The following ARHGEF3 variants were observed in gnomAD, a reference collection of about 807,000 sequenced individuals.
ARHGEF3 encodes 59.8 kDA protein.
In ARHGEF3, 28 loss-of-function variants were observed where a neutral mutation model predicts 63.2. The ratio of observed to expected loss-of-function variants is 0.44; its 90% CI spans 0.33 to 0.61. The LOEUF is 0.61. ARHGEF3 is among the 20% of genes least tolerant of loss of function. ARHGEF3 has a pLI of 0.03. For missense variants in ARHGEF3, 533 were observed against 659.3 expected, an observed-to-expected ratio of 0.81 and a Z score of 2.10; for synonymous variants, 266 against 254.2, an observed-to-expected ratio of 1.05 and a Z score of -0.44.
intron 4 of ARHGEF3, among the ~76,000 whole-genome samples, chr3:56,856,665 TC>T (rs2039893315): frequency 6.7e-6 from 1 of 150,196 alleles, no homozygotes; most frequent in African/African-American, 2.5e-5. Flanking sequence ...TTTAGAATTT[TC>T]CTAAAGTGAG....
chr3:56,839,209 C>T (rs2039228011), intron 4 of ARHGEF3, among the ~76,000 whole-genome samples: 1 of 151,962 alleles, frequency 6.6e-6, no homozygotes, highest in African/African-American at 2.4e-5. Flanking sequence ...TTTACATAAC[C>T]AGATACATTT....
In ARHGEF3 at chr3:56,967,274, AATATT is replaced by A. The variant is rs1267943250; in HGVS notation, c.63-8390_63-8386del. 6.3e-3 allele frequency among the ~76,000 whole-genome samples: 478 copies of A among 75,606 alleles called. 7 individuals carry two copies. Among genetic ancestry groups the A allele is most frequent in the African/African-American group, 0.016 (450 of 29,000 alleles). The allele number at this position is 75,606 out of a possible 152,430, so 49.6% of individuals were successfully genotyped here. ...TAGTATATACATACTTATATATAAT[AATATT>A]ATATTATATATTATACAAATTATAT... On this transcript the variant is annotated intron_variant, in intron 2 of 12. Coordinates refer to the ARHGEF3 transcript ENST00000338458.
intron 3 of ARHGEF3, among the ~76,000 whole-genome samples, chr3:56,889,992 G>T (rs1265543416): frequency 6.6e-6 from 1 of 151,662 alleles, no homozygotes; most frequent in African/African-American, 2.4e-5. Flanking sequence ...AACCCAGGAG[G>T]CAGAGGCTGC....
chr3:56,959,007 G>A (rs1428060310), intron 2 of ARHGEF3: 11 of 1,061,970 alleles, frequency 1.0e-5, no homozygotes, highest in Admixed American at 2.1e-5. Flanking sequence ...CCCAAACAAG[G>A]TGGATGGAGT....
intron 1 of ARHGEF3, among the ~76,000 whole-genome samples, chr3:57,067,324 G>A (rs1366206469): frequency 2.0e-5 from 3 of 151,616 alleles, no homozygotes; most frequent in East Asian, 2.0e-4. Context: ...GCGTGGTGGC[G>A]GGCGCCTGTA....
intron 2 of ARHGEF3, among the ~76,000 whole-genome samples, chr3:56,992,249 C>G (rs1161204158): frequency 1.3e-5 from 2 of 151,674 alleles, no homozygotes; most frequent in Admixed American, 6.6e-5. Flanking sequence ...TATATTTGTA[C>G]AAGAGTCAGA....
chr3:56,743,098 C>T (rs539223285), intron 7 of ARHGEF3, among the ~76,000 whole-genome samples: 10 of 152,294 alleles, frequency 6.6e-5, no homozygotes, highest in Non-Finnish European at 1.3e-4. Context: ...GGAGGCAACT[C>T]TATCGCACTC....
intron 7 of ARHGEF3, among the ~76,000 whole-genome samples, chr3:56,742,412 T>G (rs1458000035): frequency 6.6e-6 from 1 of 152,158 alleles, no homozygotes; most frequent in Non-Finnish European, 1.5e-5. Context: ...AGGCACTGCA[T>G]TAAAGGCAAG....
intron 2 of ARHGEF3, among the ~76,000 whole-genome samples, chr3:56,763,812 C>A (rs1245062068): frequency 6.6e-6 from 1 of 152,038 alleles, no homozygotes; most frequent in East Asian, 1.9e-4. Context: ...TGGCCTCAAG[C>A]AATCCTCTTG....
chr3:56,849,386 T>C (rs1009876139), intron 4 of ARHGEF3, among the ~76,000 whole-genome samples: 7 of 152,222 alleles, frequency 4.6e-5, no homozygotes, highest in African/African-American at 1.7e-4. Context: ...AGCTTAGTGA[T>C]AGTCTCTGGA....
At chr3:56,841,739 A>T (rs2039314566) in intron 4 of ARHGEF3, among the ~76,000 whole-genome samples, 2 of 152,116 alleles carry the variant, frequency 1.3e-5, no homozygotes, top group African/African-American at 4.8e-5. Context: ...TTCAGCCATC[A>T]GATTGATTTG....
chr3:56,897,443 T>C (rs956170128), intron 3 of ARHGEF3, among the ~76,000 whole-genome samples: 1 of 152,230 alleles, frequency 6.6e-6, no homozygotes, highest in African/African-American at 2.4e-5. Context: ...AGTTATGTTT[T>C]TGCTACGGGG....
intron 2 of ARHGEF3, among the ~76,000 whole-genome samples, chr3:56,983,981 G>A: frequency 7.1e-6 from 1 of 140,254 alleles, no homozygotes; most frequent in South Asian, 2.3e-4. Flanking sequence ...CTCAATAATT[G>A]ACCCTGCCAC....
intron 2 of ARHGEF3, among the ~76,000 whole-genome samples, chr3:56,965,034 C>T (rs1700432425): frequency 6.6e-6 from 1 of 152,146 alleles, no homozygotes; most frequent in African/African-American, 2.4e-5. Flanking sequence ...AGGAGGATCG[C>T]TTGAGGCCAG....
intron 2 of ARHGEF3, among the ~76,000 whole-genome samples, chr3:57,005,060 G>T (rs1283643928): frequency 6.6e-6 from 1 of 151,910 alleles, no homozygotes; most frequent in Non-Finnish European, 1.5e-5. Context: ...TGCTTTCTTA[G>T]AATCTGCAAG....
intron 2 of ARHGEF3, among the ~76,000 whole-genome samples, chr3:56,773,421 G>C (rs2107839126): frequency 6.6e-6 from 1 of 152,264 alleles, no homozygotes; most frequent in African/African-American, 2.4e-5. Flanking sequence ...GAGGCCCATA[G>C]ATATTTTAGG....
intron 4 of ARHGEF3, among the ~76,000 whole-genome samples, chr3:56,843,070 C>T (rs948049376): frequency 4.6e-5 from 7 of 152,158 alleles, no homozygotes; most frequent in Non-Finnish European, 8.8e-5. Flanking sequence ...CCACTGGAGC[C>T]ACCAGGCCCC....
intron 4 of ARHGEF3, among the ~76,000 whole-genome samples, chr3:56,875,286 T>C (rs578170278): frequency 5.3e-5 from 8 of 152,218 alleles, no homozygotes; most frequent in Non-Finnish European, 1.0e-4. Flanking sequence ...AAGGACTCTA[T>C]AGCAATTTGG....
chr3:56,764,756 AT>A (rs199973461), intron 2 of ARHGEF3, among the ~76,000 whole-genome samples: 14,549 of 142,154 alleles, frequency 0.1, 1,462 homozygotes, highest in East Asian at 0.35. Context: ...TAGTCAACAA[AT>A]TTTTTTTTTT....
Sources: allele counts gnomAD v4.1 joint callset (sites outside exome capture counted in the v4.1 genomes callset), GRCh38; gene constraint gnomAD v4.1.1; transcripts MANE v1.5; gene names NCBI Gene and HGNC (gene_info 2026-07-23, HGNC 2026-07-21).